Variants in PKNOX2 observed in about 807,000 individuals in gnomAD.
The protein encoded by PKNOX2 is PBX/knotted 1 homeobox 2.
In PKNOX2, 14 loss-of-function variants were observed where a neutral mutation model predicts 53.1. That is an observed-to-expected ratio of 0.26 (90% CI 0.17 to 0.41). The LOEUF (loss-of-function observed/expected upper bound fraction) is 0.41. Ranked by LOEUF, PKNOX2 falls within the 10% of genes least tolerant of loss-of-function variation. The probability of loss-of-function intolerance (pLI) is 1.00; values close to 1 mark genes in which losing one functional copy is unlikely to be tolerated. For missense variants in PKNOX2, 496 were observed against 602.8 expected (o/e 0.82, Z 1.85); for synonymous variants, 257 against 242.8 (o/e 1.06, Z -0.54).
intron 7 of PKNOX2, among the ~76,000 whole-genome samples, chr11:125,406,405 C>T (rs1383695904): frequency 6.6e-6 from 1 of 152,236 alleles, no homozygotes; most frequent in Non-Finnish European, 1.5e-5. Flanking sequence ...TTGCACAACT[C>T]TGCCTGCGTG....
chr11:125,360,992 GGGCT>G (rs1223622783), intron 4 of PKNOX2, among the ~76,000 whole-genome samples: 1 of 151,912 alleles, frequency 6.6e-6, no homozygotes, highest in African/African-American at 2.4e-5. Context: ...TTCCAGCTCT[GGGCT>G]GGACACCCAA....
intron 5 of PKNOX2, among the ~76,000 whole-genome samples, chr11:125,380,815 C>A (rs1055908414): frequency 6.6e-6 from 1 of 152,198 alleles, no homozygotes; most frequent in African/African-American, 2.4e-5. Context: ...TCAGGGTAGA[C>A]CCCCAAGCCT....
chr11:125,371,645 G>A (rs372889750), intron 5 of PKNOX2, among the ~76,000 whole-genome samples: 3 of 152,020 alleles, frequency 2.0e-5, no homozygotes, highest in African/African-American at 7.2e-5. Flanking sequence ...CTGGCCAGGT[G>A]CGGGTGGGGG....
intron 2 of PKNOX2, among the ~76,000 whole-genome samples, chr11:125,251,888 A>G (rs574730781): frequency 2.0e-5 from 3 of 150,944 alleles, no homozygotes; most frequent in South Asian, 4.2e-4. Flanking sequence ...TTTTTAGTTC[A>G]TATATCCTGT....
At chr11:125,326,907 G>A (rs1475290318) in intron 2 of PKNOX2, among the ~76,000 whole-genome samples, 1 of 152,246 alleles carries the variant, frequency 6.6e-6, no homozygotes. Context: ...GCAGGGAGGT[G>A]AAGCCTGAGG....
intron 4 of PKNOX2, 103 bp downstream of exon 4, chr11:125,351,495 C>A: frequency 2.7e-6 from 2 of 732,580 alleles, no homozygotes; most frequent in Non-Finnish European, 2.3e-6. Flanking sequence ...ACGGGCAGAG[C>A]CAGGCCTCCC....
At chr11:125,179,196 T>C (rs1010584378) in intron 1 of PKNOX2, among the ~76,000 whole-genome samples, 1 of 152,154 alleles carries the variant, frequency 6.6e-6, no homozygotes, top group African/African-American at 2.4e-5. Flanking sequence ...CCCAGCATTA[T>C]CTTGGTGCCA....
chr11:125,313,011 C>G (rs58881694), intron 2 of PKNOX2, among the ~76,000 whole-genome samples: 3,708 of 152,252 alleles, frequency 0.024, 155 homozygotes, highest in African/African-American at 0.085. Context: ...GAGGCCAAGC[C>G]CACTGGAGGC....
rs1956782282 is a variant in PKNOX2, at chr11:125,433,370, A to AATCTT, written c.*1981_*1985dup. 6.5e-6 allele frequency: 1 copy of AATCTT among 152,778 alleles called. No individual in the cohort carries two copies. The highest frequency in any genetic ancestry group is 1.9e-4 in the East Asian group (1 of 5,172). 9.5% of individuals were successfully genotyped at this position (152,778 alleles called of 1,614,324 possible). ...GAATGTGGCCGAGACGTTTTCAGTA[A>AATCTT]ATCTTATTACCTACCGTAACCCTGG... On this transcript the variant is annotated 3_prime_UTR_variant, in exon 13 of 13. Transcript: ENST00000298282.
At chr11:125,318,330 A>G (rs1014560951) in intron 2 of PKNOX2, among the ~76,000 whole-genome samples, 4 of 141,240 alleles carry the variant, frequency 2.8e-5, no homozygotes, top group African/African-American at 1.1e-4. Flanking sequence ...CATGTTGCCC[A>G]GGTTGGTCTC....
intron 5 of PKNOX2, among the ~76,000 whole-genome samples, chr11:125,369,231 T>C (rs1952382396): frequency 6.6e-6 from 1 of 152,212 alleles, no homozygotes; most frequent in Non-Finnish European, 1.5e-5. Flanking sequence ...ACCAGGGGCC[T>C]CCCAGGCCCA....
chr11:125,184,500 G>A (rs1956336600), intron 1 of PKNOX2: 1 of 152,198 alleles, frequency 6.6e-6, no homozygotes, highest in African/African-American at 2.4e-5. Flanking sequence ...ATAGAGAGAG[G>A]GGAGCCATAA....
intron 2 of PKNOX2, among the ~76,000 whole-genome samples, chr11:125,300,017 A>G (rs1947930917): frequency 2.0e-5 from 3 of 152,218 alleles, no homozygotes; most frequent in Admixed American, 6.5e-5. Flanking sequence ...TGGTTGGCAC[A>G]TGGTTAGCCC....
intron 3 of PKNOX2, among the ~76,000 whole-genome samples, chr11:125,336,948 A>G (rs1164157604): frequency 6.7e-6 from 1 of 149,100 alleles, no homozygotes; most frequent in African/African-American, 2.4e-5. Context: ...ATATAATTAT[A>G]TATGATATAT....
At chr11:125,253,423 G>A (rs150969840) in intron 2 of PKNOX2, among the ~76,000 whole-genome samples, 126 of 152,274 alleles carry the variant, frequency 8.3e-4, no homozygotes, top group African/African-American at 2.9e-3. Context: ...GCCTGTTTGG[G>A]TGTGAGTGAG....
intron 1 of PKNOX2, among the ~76,000 whole-genome samples, chr11:125,219,568 C>T (rs993010712): frequency 6.6e-6 from 1 of 151,918 alleles, no homozygotes; most frequent in Non-Finnish European, 1.5e-5. Context: ...ACAACAAAAA[C>T]ACAACCCAGT....
At chr11:125,430,210 C>T in intron 12 of PKNOX2, 69 bp downstream of exon 12, 1 of 1,538,510 alleles carries the variant, frequency 6.5e-7, no homozygotes, top group South Asian at 1.2e-5. Flanking sequence ...TCAGGTCAAG[C>T]CGTGCAAAGA....
intron 10 of PKNOX2, among the ~76,000 whole-genome samples, chr11:125,418,621 G>A (rs907966692): frequency 2.0e-5 from 3 of 151,974 alleles, no homozygotes; most frequent in Non-Finnish European, 4.4e-5. Context: ...TCTGTGCCTC[G>A]GTGTTGCCTT....
intron 2 of PKNOX2, among the ~76,000 whole-genome samples, chr11:125,304,209 A>G (rs1948268216): frequency 6.6e-6 from 1 of 152,172 alleles, no homozygotes; most frequent in African/African-American, 2.4e-5. Flanking sequence ...GTGATGTCCT[A>G]AACTGCAGCC....
Sources: allele counts gnomAD v4.1 joint callset (sites outside exome capture counted in the v4.1 genomes callset), GRCh38; gene constraint gnomAD v4.1.1; transcripts MANE v1.5; gene names NCBI Gene and HGNC (gene_info 2026-07-23, HGNC 2026-07-21).